ADD3: variants seen among roughly 807,000 people sequenced by gnomAD.
The protein encoded by ADD3 is gamma-adducin.
ADD3 carries 25 observed loss-of-function variants against 80.2 expected under a neutral mutation model. The observed-to-expected ratio is 0.31, with a 90% CI of 0.23 to 0.44. The LOEUF (loss-of-function observed/expected upper bound fraction) is 0.44. ADD3 is among the 20% of genes least tolerant of loss of function. The pLI is 1.00. For synonymous variants in ADD3, 284 were observed against 289.6 expected (o/e 0.98, Z 0.20); for missense variants, 829 against 847.5 (o/e 0.98, Z 0.27).
chr10:110,052,761 C>T (rs1429245580), intron 1 of ADD3, among the ~76,000 whole-genome samples: 3 of 152,062 alleles, frequency 2.0e-5, no homozygotes, highest in African/African-American at 7.2e-5. Flanking sequence ...AGCCTGAAAA[C>T]CATTTCAGAG....
intron 12 of ADD3, among the ~76,000 whole-genome samples, chr10:110,128,524 C>G (rs1252998071): frequency 6.6e-6 from 1 of 152,026 alleles, no homozygotes; most frequent in Non-Finnish European, 1.5e-5. Context: ...GCACGCCATT[C>G]TCTGCCTCAG....
rs183501628 is a variant in ADD3, at chr10:110,070,836, T to C, written c.-29-29789T>C. Reference sequence around the variant, plus strand: ...TATCTGAGGACTCTTAAAGCATTAATTTTAGAGGCTGGGATGTGGCTCTTG... The same window carrying C: ...TATCTGAGGACTCTTAAAGCATTAACTTTAGAGGCTGGGATGTGGCTCTTG... On this transcript the variant is annotated intron_variant, in intron 1 of 14. Transcript: ENST00000356080. Among the ~76,000 whole-genome samples, 26 of 152,126 alleles carry C rather than the reference T, an allele frequency of 1.7e-4. No individual in the cohort carries two copies. In the East Asian group the frequency reaches 5.0e-3, roughly 29 times the overall value.
chr10:110,055,013 T>C (rs989989028), intron 1 of ADD3, among the ~76,000 whole-genome samples: 1 of 152,042 alleles, frequency 6.6e-6, no homozygotes. Context: ...CGCCTTCCTC[T>C]GCCTCCCAAA....
At chr10:110,095,647 C>T (rs1848059386) in intron 1 of ADD3, among the ~76,000 whole-genome samples, 1 of 152,104 alleles carries the variant, frequency 6.6e-6, no homozygotes, top group Non-Finnish European at 1.5e-5. Context: ...GTTGTTTCTA[C>T]TTTTTCCTGT....
intron 12 of ADD3, among the ~76,000 whole-genome samples, chr10:110,127,052 G>C (rs1852264986): frequency 6.6e-6 from 1 of 152,182 alleles, no homozygotes; most frequent in African/African-American, 2.4e-5. Context: ...AAATATTTTT[G>C]AAAGATGGGG....
chr10:110,062,198 A>C (rs1330510860), intron 1 of ADD3, among the ~76,000 whole-genome samples: 1 of 78,634 alleles, frequency 1.3e-5, no homozygotes, highest in Non-Finnish European at 2.3e-5. Flanking sequence ...CACTGTCTCT[A>C]CTAAAAAAAA....
chr10:110,065,168 A>G (rs1015987528), intron 1 of ADD3, among the ~76,000 whole-genome samples: 7 of 152,306 alleles, frequency 4.6e-5, no homozygotes, highest in Admixed American at 3.3e-4. Flanking sequence ...TAGTAAGTTC[A>G]TAAAACTTTT....
chr10:110,040,073 A>G (rs1260554715), intron 1 of ADD3, among the ~76,000 whole-genome samples: 1 of 152,196 alleles, frequency 6.6e-6, no homozygotes, highest in Non-Finnish European at 1.5e-5. Flanking sequence ...GTGAGAAGGG[A>G]CTACACATGG....
chr10:110,021,916 G>A (rs1017606414), intron 1 of ADD3, among the ~76,000 whole-genome samples: 6 of 152,158 alleles, frequency 3.9e-5, no homozygotes, highest in East Asian at 1.9e-4. Context: ...AAATCTGTGC[G>A]TGCAAATTCA....
chr10:110,035,051 G>A (rs1041686333), intron 1 of ADD3, among the ~76,000 whole-genome samples: 2 of 152,198 alleles, frequency 1.3e-5, no homozygotes, highest in Non-Finnish European at 2.9e-5. Context: ...GGAAGACCAT[G>A]TTTGTTAGCT....
At chr10:110,126,298 G>A in intron 11 of ADD3, 119 bp from the exon 12 acceptor site, 1 of 721,490 alleles carries the variant, frequency 1.4e-6, no homozygotes, top group Non-Finnish European at 2.3e-6. Flanking sequence ...ATGGAGGTGG[G>A]AATTGAAGAG....
At chr10:110,045,746 A>G (rs933803940) in intron 1 of ADD3, among the ~76,000 whole-genome samples, 3 of 152,238 alleles carry the variant, frequency 2.0e-5, no homozygotes, top group East Asian at 1.9e-4. Context: ...AACACAGACC[A>G]TACATGGCAC....
At chr10:110,032,095 G>C (rs556349152) in intron 1 of ADD3, among the ~76,000 whole-genome samples, 1 of 152,090 alleles carries the variant, frequency 6.6e-6, no homozygotes, top group Admixed American at 6.5e-5. Flanking sequence ...CTAAATGCCA[G>C]GAATATCAAA....
intron 12 of ADD3, among the ~76,000 whole-genome samples, chr10:110,129,068 C>G (rs1261097550): frequency 6.6e-6 from 1 of 151,872 alleles, no homozygotes; most frequent in African/African-American, 2.4e-5. Context: ...ACTCCAGTCT[C>G]CTGCCAGTTT....
chr10:110,073,093 T>C (rs1844941275), intron 1 of ADD3, among the ~76,000 whole-genome samples: 1 of 151,900 alleles, frequency 6.6e-6, no homozygotes, highest in Non-Finnish European at 1.5e-5. Flanking sequence ...CCATTGCCAC[T>C]AGTTGTATGA....
chr10:110,092,935 T>C (rs908343580), intron 1 of ADD3, among the ~76,000 whole-genome samples: 3 of 152,054 alleles, frequency 2.0e-5, no homozygotes, highest in East Asian at 3.9e-4. Flanking sequence ...TCTTGGCTTA[T>C]TGCAACCTCC....
intron 12 of ADD3, among the ~76,000 whole-genome samples, chr10:110,126,791 A>C (rs982590508): frequency 6.6e-6 from 1 of 152,204 alleles, no homozygotes; most frequent in Non-Finnish European, 1.5e-5. Context: ...GTGATCCTCC[A>C]GCCTTGACCT....
chr10:110,126,243 C>T (rs915999363), intron 11 of ADD3, among the ~76,000 whole-genome samples, 174 bp from the exon 12 acceptor site: 1 of 152,096 alleles, frequency 6.6e-6, no homozygotes, highest in African/African-American at 2.4e-5. Flanking sequence ...CCATAAAGAG[C>T]AGAGGAGACT....
chr10:110,067,408 C>G (rs1477952884), intron 1 of ADD3, among the ~76,000 whole-genome samples: 1 of 152,142 alleles, frequency 6.6e-6, no homozygotes. Context: ...CTAACTTGGG[C>G]CTTCTTTCTT....
Sources: allele counts gnomAD v4.1 joint callset (sites outside exome capture counted in the v4.1 genomes callset), GRCh38; gene constraint gnomAD v4.1.1; transcripts MANE v1.5; gene names NCBI Gene and HGNC (gene_info 2026-07-23, HGNC 2026-07-21).